Variants in ABLIM2 observed in about 807,000 individuals in gnomAD.
The protein encoded by ABLIM2 is actin-binding LIM protein 2.
In ABLIM2, 53 loss-of-function variants were observed where a neutral mutation model predicts 97.7. That is an observed-to-expected ratio of 0.54 (90% CI 0.44 to 0.68). The LOEUF is 0.68. ABLIM2 is among the 30% of genes least tolerant of loss of function. The pLI, the probability that ABLIM2 is intolerant of heterozygous loss-of-function variation, is 0.00. For synonymous variants in ABLIM2, 361 were observed against 345.8 expected (o/e 1.04, Z -0.49); for missense variants, 835 against 867.2 (o/e 0.96, Z 0.47).
intron 1 of ABLIM2, among the ~76,000 whole-genome samples, chr4:8,145,743 C>G (rs1360230484): frequency 2.4e-5 from 2 of 82,554 alleles, no homozygotes; most frequent in African/African-American, 4.7e-5. Context: ...ACTACACACT[C>G]ATACACACAC....
chr4:8,126,636 G>A (rs1848089253), intron 1 of ABLIM2, among the ~76,000 whole-genome samples: 1 of 152,122 alleles, frequency 6.6e-6, no homozygotes, highest in Non-Finnish European at 1.5e-5. Context: ...CGGCATTCAT[G>A]CTGTCCCCCG....
chr4:8,126,490 C>T (rs999432517), intron 1 of ABLIM2, among the ~76,000 whole-genome samples: 5 of 149,172 alleles, frequency 3.4e-5, no homozygotes, highest in Admixed American at 2.7e-4. Context: ...CTCTCCCTAG[C>T]CCCCCAGATT....
At chr4:8,142,106 C>G (rs1288490004) in intron 1 of ABLIM2, among the ~76,000 whole-genome samples, 1 of 152,212 alleles carries the variant, frequency 6.6e-6, no homozygotes, top group East Asian at 1.9e-4. Context: ...AGTCAGGTGG[C>G]ACCATGGGAG....
intron 6 of ABLIM2, among the ~76,000 whole-genome samples, chr4:8,063,970 C>T (rs1464175142): frequency 6.6e-6 from 1 of 152,242 alleles, no homozygotes; most frequent in East Asian, 1.9e-4. Context: ...TCTCTCTTCT[C>T]ACCTCCCTTA....
intron 14 of ABLIM2, among the ~76,000 whole-genome samples, chr4:8,016,467 G>A (rs2150740397): frequency 6.6e-6 from 1 of 152,266 alleles, no homozygotes; most frequent in Admixed American, 6.5e-5. Context: ...AAGCCCCACG[G>A]GTTATATGGC....
At chr4:8,010,361 C>T (rs2150487145) in intron 14 of ABLIM2, 1 of 985,628 alleles carries the variant, frequency 1.0e-6, no homozygotes. Context: ...ACACAAAAAC[C>T]CGTCTCCGTC....
In ABLIM2 at chr4:8,004,425, TG is replaced by T. The variant is rs776074413; in HGVS notation, c.1618+3633del. Reference sequence around the variant, plus strand: ...CTCCCACTATCCCACCTCTCACACATGCCTCATGTGCTGGGATTGGAGGAAA... The same window carrying T: ...CTCCCACTATCCCACCTCTCACACATCCTCATGTGCTGGGATTGGAGGAAA... On this transcript the variant is annotated intron_variant, in intron 16 of 20. Coordinates refer to ENST00000447017, the MANE Select transcript of ABLIM2 (RefSeq NM_001130083.2). This position sits in a 1 kb window ranked among gnomAD's most constrained non-coding sequence, Gnocchi z 5.9. Among the ~76,000 whole-genome samples, 9 of 152,262 alleles carry T rather than the reference TG, an allele frequency of 5.9e-5. No individual in the cohort carries two copies. Among genetic ancestry groups the T allele is most frequent in the Admixed American group, 1.3e-4 (2 of 15,302 alleles).
At chr4:8,013,964 C>T (rs1168327445) in intron 14 of ABLIM2, among the ~76,000 whole-genome samples, 2 of 152,256 alleles carry the variant, frequency 1.3e-5, no homozygotes, top group African/African-American at 4.8e-5. Context: ...AACACACCGA[C>T]AGCTCTAACC....
At chr4:8,146,039 T>C (rs566936586) in intron 1 of ABLIM2, among the ~76,000 whole-genome samples, 33 of 152,354 alleles carry the variant, frequency 2.2e-4, no homozygotes, top group South Asian at 1.0e-3. Context: ...AAATTGCCCA[T>C]GATCCTAGCA....
At chr4:7,984,776 T>C (rs932740808) in intron 18 of ABLIM2, 63 bp downstream of exon 18, 1 of 1,497,954 alleles carries the variant, frequency 6.7e-7, no homozygotes, top group African/African-American at 1.4e-5. Flanking sequence ...AGAACAAGTC[T>C]TGTGGAATGT....
At chr4:8,102,160 TC>T (rs562781342) in intron 2 of ABLIM2, among the ~76,000 whole-genome samples, 1 of 152,200 alleles carries the variant, frequency 6.6e-6, no homozygotes, top group Non-Finnish European at 1.5e-5. Context: ...ATCTCCCTAA[TC>T]CCCTTGGTCA....
chr4:8,106,735 G>T, intron 1 of ABLIM2, 98 bp from the exon 2 acceptor site: 1 of 1,433,624 alleles, frequency 7.0e-7, no homozygotes, highest in Non-Finnish European at 9.3e-7. Flanking sequence ...GACCCTGCCA[G>T]CGGGCCCCGC....
intron 1 of ABLIM2, among the ~76,000 whole-genome samples, chr4:8,136,587 T>A (rs1267758145): frequency 6.6e-6 from 1 of 152,114 alleles, no homozygotes; most frequent in Non-Finnish European, 1.5e-5. Context: ...GCTGACTTTG[T>A]TTGTCAGTGG....
chr4:8,003,993 C>T lies in ABLIM2; in HGVS notation c.1618+4066G>A, dbSNP rs1290736031. Among the ~76,000 whole-genome samples, 3 of 152,104 alleles carry T rather than the reference C, an allele frequency of 2.0e-5. No homozygotes were observed. Among genetic ancestry groups the T allele is most frequent in the Non-Finnish European group, 4.4e-5 (3 of 68,040 alleles). On this transcript the variant is annotated intron_variant, in intron 16 of 20. Transcript: ENST00000447017. The surrounding 1 kb of genome is among the most constrained non-coding windows in gnomAD (Gnocchi z 4.2). ...GATTGACAGTAGCACGTCAGGGAGG[C>T]TCTTCCTTCGACCACGGACTAAGGA...
chr4:8,101,470 G>T (rs1446316889), intron 2 of ABLIM2, among the ~76,000 whole-genome samples: 1 of 152,252 alleles, frequency 6.6e-6, no homozygotes, highest in Non-Finnish European at 1.5e-5. Flanking sequence ...CGCCCAGGAA[G>T]CACGTGTGCA....
chr4:7,996,568 T>C lies in ABLIM2; in HGVS notation c.1619-3641A>G, dbSNP rs1284378639. ...CACCCGTATCAGATGGTGCTAGAAA[T>C]TCTGCTTCAACCATCCAATGTGATA... On this transcript the variant is annotated intron_variant, in intron 16 of 20. Coordinates refer to ENST00000447017, the MANE Select transcript of ABLIM2 (RefSeq NM_001130083.2). The surrounding 1 kb of genome is among the most constrained non-coding windows in gnomAD (Gnocchi z 4.5). Among the ~76,000 whole-genome samples, 1 of 152,236 alleles carries C rather than the reference T, an allele frequency of 6.6e-6. No homozygotes were observed. The highest frequency in any genetic ancestry group is 6.5e-5 in the Admixed American group (1 of 15,284).
At chr4:8,143,069 C>T (rs1578497558) in intron 1 of ABLIM2, among the ~76,000 whole-genome samples, 1 of 149,336 alleles carries the variant, frequency 6.7e-6, no homozygotes, top group Middle Eastern at 3.4e-3. Flanking sequence ...AATACCGGCT[C>T]TTGTCCTTCT....
chr4:8,073,841 A>T (rs1445892093), intron 6 of ABLIM2, among the ~76,000 whole-genome samples: 2 of 151,894 alleles, frequency 1.3e-5, no homozygotes, highest in Non-Finnish European at 2.9e-5. Flanking sequence ...TAACCCCGGC[A>T]TTTTGGGAGG....
At chr4:8,042,962 G>A (rs948650315) in intron 9 of ABLIM2, among the ~76,000 whole-genome samples, 4 of 151,972 alleles carry the variant, frequency 2.6e-5, no homozygotes, top group Non-Finnish European at 5.9e-5. Flanking sequence ...ACCAGCCCGG[G>A]CAACATAAAA....
Sources: allele counts gnomAD v4.1 joint callset (sites outside exome capture counted in the v4.1 genomes callset), GRCh38; gene constraint gnomAD v4.1.1; non-coding constraint Gnocchi (gnomAD v3.1); transcripts MANE v1.5; gene names NCBI Gene and HGNC (gene_info 2026-07-23, HGNC 2026-07-21).